The following AFAP1 variants were observed in gnomAD, a reference collection of about 807,000 sequenced individuals.
AFAP1 encodes the protein actin filament associated protein 1.
AFAP1 carries 75 observed loss-of-function variants against 93.9 expected under a neutral mutation model. That is an observed-to-expected ratio of 0.80 (90% CI 0.66 to 0.97). AFAP1 has a LOEUF of 0.97. Ranked by LOEUF, AFAP1 falls within the 50% of genes least tolerant of loss-of-function variation. AFAP1 has a pLI of 0.00. For missense variants in AFAP1, 1,201 were observed against 1,050.8 expected (o/e 1.14, Z -1.98); for synonymous variants, 517 against 430.7 (o/e 1.20, Z -2.48).
chr4:7,768,887 G>T lies in AFAP1; in HGVS notation c.2375C>A (p.Pro792Gln), dbSNP rs371528184. 1 of 1,610,228 alleles carries T rather than the reference G, an allele frequency of 6.2e-7. No homozygotes were observed. The highest frequency in any genetic ancestry group is 1.3e-5 in the African/African-American group (1 of 74,970). ...ATGCCCTCGGCAGGGGGAGCTGCCC[G>T]GGGCAGCCTGGCTCTTCTTCAAGAC... is the stretch of plus-strand genomic sequence containing the variant. ...AAVLKKSQAA[P>Q]GSSPCRGHVL... is the part of the protein sequence containing the mutation. The change falls in exon 17 of 18, where the codon CCG (proline) becomes CAG (glutamine). Residue 792 changes from proline to glutamine, a missense_variant. Coordinates refer to ENST00000420658, the MANE Select transcript of AFAP1 (RefSeq NM_001134647.2).
In AFAP1 at chr4:7,843,211, G is replaced by T. The variant is rs750320885; in HGVS notation, c.474C>A (p.Ala158=). 35 of 1,614,090 alleles carry T rather than the reference G, an allele frequency of 2.2e-5. No individual in the cohort carries two copies. Among genetic ancestry groups the T allele is most frequent in the Non-Finnish European group, 3.0e-5 (35 of 1,180,042 alleles). The change falls in exon 5 of 18, where the codon GCC becomes GCA. Residue 158 remains alanine (A), a synonymous_variant. Transcript: ENST00000420658. ...MDLVKDAKIC[A]FLLRKKRFGQ... ...CGAACCGCTTCTTCCGCAGCAGGAA[G>T]GCGCAGATTTTGGCGTCCTTGACCA...
At chr4:7,805,430 G>T (rs991605164) in intron 9 of AFAP1, among the ~76,000 whole-genome samples, 2 of 152,134 alleles carry the variant, frequency 1.3e-5, no homozygotes, top group African/African-American at 4.8e-5. Context: ...CTTGTCTGAC[G>T]TTGCATTTAC....
chr4:7,763,852 C>A, intron 17 of AFAP1, 61 bp from the exon 18 acceptor site: 1 of 1,522,266 alleles, frequency 6.6e-7, no homozygotes, highest in East Asian at 2.5e-5. Flanking sequence ...GGACAAGCCA[C>A]GCCACCATCC....
At chr4:7,880,337 T>C (rs151025351) in intron 1 of AFAP1, among the ~76,000 whole-genome samples, 3,069 of 142,046 alleles carry the variant, frequency 0.022, 110 homozygotes, top group African/African-American at 0.078. Context: ...TGGAGTACAG[T>C]GGCATAATCT....
rs1713579102 is a variant in AFAP1, at chr4:7,760,153, A to AAACT, written c.*3608_*3611dup. The AAACT allele has an allele frequency of 1.3e-5, 2 of 152,354 alleles. No homozygotes were observed. Among genetic ancestry groups the AAACT allele is most frequent in the African/African-American group, 4.8e-5 (2 of 41,592 alleles). 9.4% of individuals were successfully genotyped at this position (152,354 alleles called of 1,614,324 possible). ...TGTGGCCATAATGACAATGAACCTC[A>AAACT]AACTCCTTCCTGGGGGTGGCCTCCA... On this transcript the variant is annotated 3_prime_UTR_variant, in exon 18 of 18. Coordinates refer to ENST00000420658, the MANE Select transcript of AFAP1 (RefSeq NM_001134647.2).
intron 1 of AFAP1, among the ~76,000 whole-genome samples, chr4:7,881,595 T>A (rs1717852109): frequency 6.6e-6 from 1 of 152,000 alleles, no homozygotes; most frequent in Non-Finnish European, 1.5e-5. Context: ...TTAGCCTGGC[T>A]AAGATGGCGA....
chr4:7,769,037 T>C, intron 16 of AFAP1, 29 bp from the exon 17 acceptor site: 1 of 1,563,424 alleles, frequency 6.4e-7, no homozygotes, highest in Non-Finnish European at 8.7e-7. Flanking sequence ...CCCCATGTGA[T>C]GAGCGGTTTC....
At chr4:7,936,404 C>T (rs928925032) in intron 1 of AFAP1, among the ~76,000 whole-genome samples, 1 of 150,958 alleles carries the variant, frequency 6.6e-6, no homozygotes, top group African/African-American at 2.5e-5. Flanking sequence ...TAGCTCACTG[C>T]AGTCTCTAAT....
intron 7 of AFAP1, among the ~76,000 whole-genome samples, chr4:7,816,689 T>C (rs774376136): frequency 9.2e-5 from 14 of 152,150 alleles, no homozygotes; most frequent in Non-Finnish European, 1.3e-4. Flanking sequence ...GGTAGAGTGT[T>C]TACAGCTAGA....
intron 1 of AFAP1, among the ~76,000 whole-genome samples, chr4:7,886,772 C>G (rs967718858): frequency 1.6e-4 from 24 of 152,148 alleles, no homozygotes; most frequent in Admixed American, 7.2e-4. Context: ...TTACAGAAGC[C>G]AGACCTCCTG....
intron 1 of AFAP1, among the ~76,000 whole-genome samples, chr4:7,877,805 G>A (rs1717601016): frequency 6.6e-6 from 1 of 152,048 alleles, no homozygotes. Context: ...TTTAGTCCTC[G>A]AAAAAAATTA....
At chr4:7,798,736 T>C (rs1718730449) in intron 10 of AFAP1, among the ~76,000 whole-genome samples, 1 of 152,166 alleles carries the variant, frequency 6.6e-6, no homozygotes, top group African/African-American at 2.4e-5. Flanking sequence ...ATGCTACCAC[T>C]TTCTCTCCAG....
intron 1 of AFAP1, among the ~76,000 whole-genome samples, chr4:7,931,899 C>T (rs1433389024): frequency 1.3e-5 from 2 of 151,652 alleles, no homozygotes; most frequent in Non-Finnish European, 1.5e-5. Flanking sequence ...CTCACTTTGT[C>T]GCCCAGGCTG....
At chr4:7,763,950 G>C (rs1198123425) in intron 17 of AFAP1, among the ~76,000 whole-genome samples, 159 bp from the exon 18 acceptor site, 3 of 150,974 alleles carry the variant, frequency 2.0e-5, no homozygotes, top group Non-Finnish European at 4.4e-5. Context: ...CCACTGCTAG[G>C]TATTCACCTA....
chr4:7,765,119 C>A (rs986339002), intron 17 of AFAP1, among the ~76,000 whole-genome samples: 9 of 152,072 alleles, frequency 5.9e-5, no homozygotes, highest in African/African-American at 2.2e-4. Context: ...ATCAATCAAT[C>A]GCTAAGGAGA....
chr4:7,828,309 G>T (rs189482131), intron 6 of AFAP1, among the ~76,000 whole-genome samples: 1 of 152,212 alleles, frequency 6.6e-6, no homozygotes, highest in African/African-American at 2.4e-5. Context: ...ACTCTGCTAC[G>T]TCCTGATGAG....
intron 1 of AFAP1, among the ~76,000 whole-genome samples, chr4:7,904,785 C>A (rs1448503903): frequency 6.6e-6 from 1 of 152,174 alleles, no homozygotes; most frequent in Non-Finnish European, 1.5e-5. Context: ...TGGTTCACTG[C>A]AGCCTTGACT....
intron 1 of AFAP1, among the ~76,000 whole-genome samples, chr4:7,937,372 G>A (rs1302517688): frequency 6.6e-6 from 1 of 152,186 alleles, no homozygotes; most frequent in African/African-American, 2.4e-5. Context: ...AAGGTGTAGG[G>A]CTGAAAAGAT....
chr4:7,768,833 T>C lies in AFAP1; in HGVS notation c.2418+11A>G. 1 of 1,573,868 alleles carries C rather than the reference T, an allele frequency of 6.4e-7. No individual in the cohort carries two copies. Among genetic ancestry groups the C allele is most frequent in the Non-Finnish European group, 8.7e-7 (1 of 1,153,580 alleles). ...CAGGACACCCAGACACCCCCGGACATCAGGGCTTACCTTGGCCTTCCGCAG... is the reference window on the plus strand; with the variant it reads ...CAGGACACCCAGACACCCCCGGACACCAGGGCTTACCTTGGCCTTCCGCAG... On this transcript the variant is annotated intron_variant, in intron 17 of 17. Transcript: ENST00000420658.
Sources: allele counts gnomAD v4.1 joint callset (sites outside exome capture counted in the v4.1 genomes callset), GRCh38; gene constraint gnomAD v4.1.1; transcripts MANE v1.5; gene names NCBI Gene and HGNC (gene_info 2026-07-23, HGNC 2026-07-21).